The following SPIN1 variants were observed in gnomAD, a reference collection of about 807,000 sequenced individuals.
SPIN1 encodes the protein spindlin 1.
In SPIN1, 3 loss-of-function variants were observed where a neutral mutation model predicts 26.0. The observed-to-expected ratio is 0.12, with a 90% CI of 0.05 to 0.30. The LOEUF (loss-of-function observed/expected upper bound fraction) is 0.30. Ranked by LOEUF, SPIN1 falls within the 10% of genes least tolerant of loss-of-function variation. The pLI is 1.00. For missense variants in SPIN1, 126 were observed against 333.4 expected (o/e 0.38, Z 4.84); for synonymous variants, 101 against 116.5 (o/e 0.87, Z 0.86).
Position 88,462,480 on chromosome 9 carries a change from A to G in SPIN1, c.102-16A>G, listed in dbSNP as rs371010258. ...TTTTGAGATAATACCTTATGTGTGT[A>G]TATGTGTGAATACAGAAAACATCGG... is the stretch of plus-strand genomic sequence containing the variant. On this transcript the variant is annotated splice_polypyrimidine_tract_variant and intron_variant, in intron 3 of 5. Coordinates refer to ENST00000375859, the MANE Select transcript of SPIN1 (RefSeq NM_006717.3). 17 of 1,612,924 alleles carry G rather than the reference A, an allele frequency of 1.1e-5. No homozygotes were observed. Among genetic ancestry groups the G allele is most frequent in the Non-Finnish European group, 1.4e-5 (16 of 1,179,488 alleles).
intron 2 of SPIN1, among the ~76,000 whole-genome samples, chr9:88,447,229 TTTTC>T (rs1477598246): frequency 1.3e-5 from 2 of 152,210 alleles, no homozygotes; most frequent in Non-Finnish European, 2.9e-5. Context: ...CTAATTTCAT[TTTTC>T]TTTATATTTT....
intron 2 of SPIN1, among the ~76,000 whole-genome samples, chr9:88,427,644 C>G (rs1295549062): frequency 1.3e-5 from 2 of 151,022 alleles, no homozygotes; most frequent in Non-Finnish European, 2.9e-5. Flanking sequence ...CTCGCTCTGT[C>G]ACCCAGGCGA....
At chr9:88,413,065 G>GTTTT (rs148350918) in intron 1 of SPIN1, among the ~76,000 whole-genome samples, 5 of 128,028 alleles carry the variant, frequency 3.9e-5, no homozygotes, top group African/African-American at 6.2e-5. Flanking sequence ...TTAAAATTAA[G>GTTTT]TTTTTTTTTT....
At chr9:88,466,046 A>G (rs1443102071) in intron 4 of SPIN1, among the ~76,000 whole-genome samples, 1 of 152,222 alleles carries the variant, frequency 6.6e-6, no homozygotes, top group Non-Finnish European at 1.5e-5. Context: ...ATATATAGGT[A>G]TTTTTAAATA....
intron 2 of SPIN1, among the ~76,000 whole-genome samples, chr9:88,446,510 G>A (rs1019706144): frequency 3.3e-5 from 5 of 151,164 alleles, no homozygotes; most frequent in African/African-American, 9.7e-5. Flanking sequence ...GGGTTCAAGC[G>A]ATTCTCCTGC....
intron 5 of SPIN1, among the ~76,000 whole-genome samples, chr9:88,471,311 C>G (rs1828778859): frequency 6.6e-6 from 1 of 151,770 alleles, no homozygotes; most frequent in Non-Finnish European, 1.5e-5. Context: ...TTGCTTGTGA[C>G]TGCCTATCTA....
intron 1 of SPIN1, among the ~76,000 whole-genome samples, chr9:88,410,162 A>AGTGTGTGTGTGTGTGT (rs138037814): frequency 6.8e-5 from 9 of 133,046 alleles, no homozygotes; most frequent in African/African-American, 2.3e-4. Context: ...GCATATATTT[A>AGTGTGTGTGTGTGTGT]GTGTGTGTGT....
chr9:88,411,018 C>T, intron 1 of SPIN1: 1 of 1,579,922 alleles, frequency 6.3e-7, no homozygotes, highest in Non-Finnish European at 8.6e-7. Flanking sequence ...GTTACAAAGG[C>T]AAAGCCCCTT....
chr9:88,406,005 CTGTGTGTGTGTGTGTGTG>C (rs745317937), intron 1 of SPIN1, among the ~76,000 whole-genome samples: 4 of 103,302 alleles, frequency 3.9e-5, no homozygotes, highest in African/African-American at 1.3e-4. Flanking sequence ...GCTTGTGTGT[CTGTGTGTGTGTGTGTGTG>C]TGTGTGTGTG....
rs370805599 is a variant in SPIN1 at position 88,414,569 on chromosome 9, C to T, written c.-158-11813C>T. ...GTGGCTGACCTGAGCTGTGCCTGAGCGCCTGCATGAGAAGACTATGTGCTC... is the reference window on the plus strand; with the variant it reads ...GTGGCTGACCTGAGCTGTGCCTGAGTGCCTGCATGAGAAGACTATGTGCTC... On this transcript the variant is annotated intron_variant, in intron 1 of 5. Transcript: ENST00000375859. Among the ~76,000 whole-genome samples, 285 of 152,300 alleles carry T rather than the reference C, an allele frequency of 1.9e-3. 9 individuals carry two copies. The South Asian group carries it at 0.046, about 25-fold the overall frequency.
chr9:88,417,869 A>G (rs1827597803), intron 1 of SPIN1, among the ~76,000 whole-genome samples: 1 of 152,162 alleles, frequency 6.6e-6, no homozygotes, highest in Admixed American at 6.5e-5. Context: ...TGCTAGAATC[A>G]CTCACAGAAC....
intron 2 of SPIN1, among the ~76,000 whole-genome samples, chr9:88,439,996 C>T (rs1029163328): frequency 1.1e-4 from 17 of 151,988 alleles, no homozygotes; most frequent in Non-Finnish European, 5.9e-5. Context: ...GGAGTAATAC[C>T]GTGTCATATT....
chr9:88,409,852 A>G (rs1186735256), intron 1 of SPIN1, among the ~76,000 whole-genome samples: 1 of 151,810 alleles, frequency 6.6e-6, no homozygotes, highest in African/African-American at 2.4e-5. Context: ...AAAAAAAAAA[A>G]GAAATTGAGC....
chr9:88,474,263 T>C (rs1828846817), intron 5 of SPIN1, among the ~76,000 whole-genome samples: 2 of 152,356 alleles, frequency 1.3e-5, no homozygotes, highest in South Asian at 2.1e-4. Flanking sequence ...AATAGAATTA[T>C]AATTGCCTAG....
rs34382784 is a variant in SPIN1 at position 88,415,910 on chromosome 9, A to ATT, written c.-158-10454_-158-10453dup. Among the ~76,000 whole-genome samples, 328 of 131,696 alleles carry ATT rather than the reference A, an allele frequency of 2.5e-3. 2 individuals are homozygous for ATT. Among genetic ancestry groups the ATT allele is most frequent in the African/African-American group, 9.1e-3 (309 of 33,950 alleles). The allele number at this position is 131,696 out of a possible 152,430, so 86.4% of individuals were successfully genotyped here. ...AGGCGCCAGCCACCATGCTCGGCTAATTTTTTTTTTTTTTTTTTTGTATTT... is the reference window on the plus strand; with the variant it reads ...AGGCGCCAGCCACCATGCTCGGCTAATTTTTTTTTTTTTTTTTTTTTGTATTT... On this transcript the variant is annotated intron_variant, in intron 1 of 5. Coordinates refer to ENST00000375859, the MANE Select transcript of SPIN1 (RefSeq NM_006717.3).
Position 88,447,454 on chromosome 9 carries a change from T to C in SPIN1, c.53-1487T>C, listed in dbSNP as rs185341978. ...TTGTTGAGTGTTGGGACTTTGTTGATGCCCTTTCGAGACTGTTGGAGTCTA... is the reference window on the plus strand; with the variant it reads ...TTGTTGAGTGTTGGGACTTTGTTGACGCCCTTTCGAGACTGTTGGAGTCTA... On this transcript the variant is annotated intron_variant, in intron 2 of 5. Transcript: ENST00000375859. Among the ~76,000 whole-genome samples the C allele has an allele frequency of 3.3e-3, 503 of 152,302 alleles. 3 individuals are homozygous for C. The highest frequency in any genetic ancestry group is 0.011 in the African/African-American group (466 of 41,568).
Position 88,451,959 on chromosome 9 carries a change from C to A in SPIN1, c.101+2970C>A, listed in dbSNP as rs1316139013. ...TTCAGTTTTCAAATGTAAATTCCCT[C>A]CCCCCTCCTGCAATTTGAACAGGGA... On this transcript the variant is annotated intron_variant, in intron 3 of 5. Coordinates refer to ENST00000375859, the MANE Select transcript of SPIN1 (RefSeq NM_006717.3). Among the ~76,000 whole-genome samples the A allele has an allele frequency of 2.0e-5, 3 of 152,148 alleles. No homozygotes were observed. The East Asian group carries it at 5.8e-4, about 29-fold the overall frequency.
At position 88,475,190 on chromosome 9, in the gene SPIN1, T is replaced by A; in HGVS notation, c.702T>A (p.His234Gln). Residue 234 changes from histidine to glutamine, a missense_variant, in exon 6 of 6, where the codon CAT becomes CAA. By Grantham distance (24) the His-to-Gln change is conservative. Coordinates refer to ENST00000375859, the MANE Select transcript of SPIN1 (RefSeq NM_006717.3). ...CGAAAAGGACTGGCATGGTCATTCA[T>A]CAAGTAGAAGCCAAGCCCTCCGTCT... Reference protein sequence around the residue: ...DGSKRTGMVIHQVEAKPSVYF... With the variant: ...DGSKRTGMVIQQVEAKPSVYF... 6.2e-7 allele frequency: 1 copy of A among 1,613,698 alleles called. No individual in the cohort carries two copies. The highest frequency in any genetic ancestry group is 2.2e-5 in the East Asian group (1 of 44,822).
At chr9:88,439,925 A>T (rs887641634) in intron 2 of SPIN1, among the ~76,000 whole-genome samples, 7 of 151,852 alleles carry the variant, frequency 4.6e-5, no homozygotes, top group Non-Finnish European at 1.5e-5. Context: ...TTTTTGATCC[A>T]CTCTGAGTCT....
Sources: gnomAD v4.1 joint callset for allele counts (sites outside exome capture counted in the v4.1 genomes callset) on GRCh38, gnomAD v4.1.1 for gene constraint, MANE v1.5 for transcripts, NCBI Gene and HGNC (gene_info 2026-07-23, HGNC 2026-07-21) for gene names.